Variants in HERC3 observed in about 807,000 individuals in gnomAD.
HERC3 encodes probable E3 ubiquitin-protein ligase HERC3.
Under a neutral mutation model 129.9 loss-of-function variants are expected in HERC3, and 58 were observed. That is an observed-to-expected ratio of 0.45 (90% CI 0.36 to 0.56). HERC3 has a LOEUF of 0.56. Ranked by LOEUF, HERC3 falls within the 20% of genes least tolerant of loss-of-function variation. The pLI, the probability that HERC3 is intolerant of heterozygous loss-of-function variation, is 0.00. For synonymous variants in HERC3, 430 were observed against 451.0 expected (o/e 0.95, Z 0.59); for missense variants, 835 against 1,244.2 (o/e 0.67, Z 4.95).
chr4:88,664,306 G>T, intron 12 of HERC3, 94 bp downstream of exon 12: 1 of 1,034,046 alleles, frequency 9.7e-7, no homozygotes, highest in East Asian at 2.4e-5. Flanking sequence ...GAGTTTAGGA[G>T]TTTGGGGCTT....
chr4:88,543,507 G>C, the HERC3 span, among the ~76,000 whole-genome samples: 1 of 152,256 alleles, frequency 6.6e-6, no homozygotes, highest in East Asian at 1.9e-4. Context: ...TGGTCATACT[G>C]CCCATGGTAA....
Position 88,704,269 on chromosome 4 carries a change from A to G in HERC3, c.2829A>G (p.Glu943=), listed in dbSNP as rs749029811. ...TGGGGAACAGCAACTACAACTGGGA[A>G]GAACTGGAAGAGGTAAGCACAAAAG... is the stretch of plus-strand genomic sequence containing the variant. ...MMVGNSNYNW[E]ELEETAIYKG... Residue 943 remains glutamate, a synonymous_variant, in exon 24 of 26, where the codon GAA becomes GAG. Coordinates refer to ENST00000402738, the MANE Select transcript of HERC3 (RefSeq NM_014606.3). 3 of 1,614,070 alleles carry G rather than the reference A, an allele frequency of 1.9e-6. No individual in the cohort carries two copies.
At chr4:88,705,709 C>T (rs994834565) in intron 25 of HERC3, among the ~76,000 whole-genome samples, 3 of 152,144 alleles carry the variant, frequency 2.0e-5, no homozygotes, top group African/African-American at 4.8e-5. Flanking sequence ...TAATCAGCGT[C>T]AGAAATTAGC....
chr4:88,586,435 C>T, the HERC3 span, among the ~76,000 whole-genome samples: 1,326 of 151,014 alleles, frequency 8.8e-3, 18 homozygotes, highest in African/African-American at 0.03. Context: ...CTCAGCTCAC[C>T]GCAACCTCCA....
At chr4:88,534,726 T>G in the HERC3 span, among the ~76,000 whole-genome samples, 4 of 152,232 alleles carry the variant, frequency 2.6e-5, no homozygotes, top group African/African-American at 9.6e-5. Flanking sequence ...TTGAAATGTG[T>G]GATTCTATAT....
chr4:88,655,644 C>CTT (rs1450323507), intron 8 of HERC3, among the ~76,000 whole-genome samples: 1 of 152,178 alleles, frequency 6.6e-6, no homozygotes, highest in Non-Finnish European at 1.5e-5. Flanking sequence ...TTAGAGGCCA[C>CTT]ATGCAGTAGA....
chr4:88,527,831 G>T, the HERC3 span: 1 of 325,618 alleles, frequency 3.1e-6, no homozygotes, highest in Non-Finnish European at 6.0e-6. Context: ...GTTTACGAAC[G>T]GAAGCTGAAT....
At chr4:88,655,407 A>G in intron 8 of HERC3, 103 bp downstream of exon 8, 3 of 1,345,932 alleles carry the variant, frequency 2.2e-6, no homozygotes, top group Non-Finnish European at 3.1e-6. Context: ...CGTCATTTTA[A>G]GAGATCTTAA....
At chr4:88,652,767 T>C in intron 5 of HERC3, 102 bp from the exon 6 acceptor site, 1 of 1,220,620 alleles carries the variant, frequency 8.2e-7, no homozygotes, top group South Asian at 1.5e-5. Context: ...TGGGTGGGTT[T>C]GGTGTTGGGG....
chr4:88,655,115 G>A (rs1729739840), intron 7 of HERC3, 59 bp from the exon 8 acceptor site: 1 of 1,580,264 alleles, frequency 6.3e-7, no homozygotes, highest in Admixed American at 1.7e-5. Context: ...TTGTATACAG[G>A]GTTTAGAGGT....
the HERC3 span, among the ~76,000 whole-genome samples, chr4:88,549,538 C>G: frequency 6.6e-6 from 1 of 151,954 alleles, no homozygotes. Flanking sequence ...TTGTTTTTTT[C>G]CCATGTATAA....
chr4:88,692,903 A>T, intron 23 of HERC3: 1 of 985,456 alleles, frequency 1.0e-6, no homozygotes, highest in Non-Finnish European at 1.2e-6. Context: ...CGCCCTAGGA[A>T]GAAAAATGAC....
At chr4:88,692,598 TG>T (rs1253150583) in intron 23 of HERC3, among the ~76,000 whole-genome samples, 2 of 152,212 alleles carry the variant, frequency 1.3e-5, no homozygotes, top group Non-Finnish European at 2.9e-5. Flanking sequence ...GTATTTGCAC[TG>T]GACTATTACA....
At chr4:88,659,556 G>A (rs962074789) in intron 10 of HERC3, among the ~76,000 whole-genome samples, 7 of 152,210 alleles carry the variant, frequency 4.6e-5, no homozygotes, top group Non-Finnish European at 5.9e-5. Context: ...ACCATCTGGC[G>A]TGATTTGGAA....
At chr4:88,645,726 AC>A (rs2149263244) in intron 3 of HERC3, among the ~76,000 whole-genome samples, 1 of 152,302 alleles carries the variant, frequency 6.6e-6, no homozygotes, top group South Asian at 2.1e-4. Context: ...AGATTTCATC[AC>A]ATGACTCAGA....
At chr4:88,632,380 G>C (rs982870184) in intron 3 of HERC3, among the ~76,000 whole-genome samples, 1 of 152,182 alleles carries the variant, frequency 6.6e-6, no homozygotes, top group African/African-American at 2.4e-5. Flanking sequence ...AATGTTCATG[G>C]TACAGTCCAA....
intron 7 of HERC3, among the ~76,000 whole-genome samples, chr4:88,654,736 C>G (rs1320381044): frequency 4.6e-5 from 7 of 151,816 alleles, no homozygotes; most frequent in Admixed American, 4.6e-4. Flanking sequence ...ATTCTACGTT[C>G]ACTTTGATAA....
chr4:88,681,343 G>T lies in HERC3; in HGVS notation c.2507+18G>T. 3 of 1,599,924 alleles carry T rather than the reference G, an allele frequency of 1.9e-6. No homozygotes were observed. The highest frequency in any genetic ancestry group is 1.7e-6 in the Non-Finnish European group (2 of 1,173,482). ...GAAGGAAGGTACAAAGCTAAAAGGC[G>T]ATTGGTATCTGAAACTGTTGTGGCT... On this transcript the variant is annotated intron_variant, in intron 21 of 25. Transcript: ENST00000402738.
upstream of HERC3, among the ~76,000 whole-genome samples, chr4:88,589,611 G>T (rs1170411150): frequency 1.3e-5 from 2 of 152,138 alleles, no homozygotes; most frequent in African/African-American, 4.8e-5. Flanking sequence ...AGAAAGAAAT[G>T]GATGGAAGAC....
Sources: gnomAD v4.1 joint callset for allele counts (sites outside exome capture counted in the v4.1 genomes callset) on GRCh38, gnomAD v4.1.1 for gene constraint, MANE v1.5 for transcripts, NCBI Gene and HGNC (gene_info 2026-07-23, HGNC 2026-07-21) for gene names.